CPXM2: variants seen among roughly 807,000 people sequenced by gnomAD.
CPXM2 encodes the protein inactive carboxypeptidase-like protein X2.
A neutral mutation model predicts 86.1 loss-of-function variants in CPXM2; 66 were observed. The ratio of observed to expected loss-of-function variants is 0.77; its 90% CI spans 0.63 to 0.94. CPXM2 has a LOEUF of 0.94. CPXM2 is among the 40% of genes least tolerant of loss of function. CPXM2 has a pLI of 0.00. For missense variants in CPXM2, 948 were observed against 1,026.3 expected (o/e 0.92, Z 1.04); for synonymous variants, 388 against 400.2 (o/e 0.97, Z 0.36).
intron 8 of CPXM2, among the ~76,000 whole-genome samples, chr10:123,769,864 G>A: frequency 6.6e-6 from 1 of 152,158 alleles, no homozygotes; most frequent in East Asian, 1.9e-4. Context: ...AAAGGACAAG[G>A]GCCTGGCATT....
intron 7 of CPXM2, among the ~76,000 whole-genome samples, chr10:123,773,078 T>C (rs1166494518): frequency 6.6e-6 from 1 of 152,000 alleles, no homozygotes; most frequent in Non-Finnish European, 1.5e-5. Flanking sequence ...TCCCTGATTG[T>C]GGTTATCACC....
chr10:123,934,536 C>T (rs1945697253), intron 2 of CPXM2, among the ~76,000 whole-genome samples: 1 of 152,036 alleles, frequency 6.6e-6, no homozygotes, highest in Non-Finnish European at 1.5e-5. Flanking sequence ...GCAGTTTGAC[C>T]TCATCTTGAT....
rs371888309 is a variant in CPXM2 at position 123,851,325 on chromosome 10, G to A, written c.514-8837C>T. On this transcript the variant is annotated intron_variant, in intron 3 of 13. Coordinates refer to ENST00000241305, the MANE Select transcript of CPXM2 (RefSeq NM_198148.3). ...AATCCTTCTTCATTTATTAGCCCAA[G>A]TACTCACTCCATCCTCAGGAAAGTC... is the stretch of plus-strand genomic sequence containing the variant. Among the ~76,000 whole-genome samples, 45 of 152,234 alleles carry A rather than the reference G, an allele frequency of 3.0e-4. No homozygotes were observed. The South Asian group carries it at 8.9e-3, about 30-fold the overall frequency.
intron 3 of CPXM2, among the ~76,000 whole-genome samples, chr10:123,859,474 C>T (rs1339380042): frequency 6.6e-6 from 1 of 152,172 alleles, no homozygotes; most frequent in Non-Finnish European, 1.5e-5. Flanking sequence ...GTGTGCTCCC[C>T]GTGGGGGACT....
At chr10:123,879,044 T>C (rs1184473940) in intron 2 of CPXM2, among the ~76,000 whole-genome samples, 2 of 152,174 alleles carry the variant, frequency 1.3e-5, no homozygotes, top group Admixed American at 6.5e-5. Flanking sequence ...CAATGGGCAA[T>C]GGGTGGAGTG....
rs933528173 is a variant in CPXM2 at position 123,916,267 on chromosome 10, C to T, written n.174+23210G>A. The stretch of plus-strand genomic sequence containing the variant: ...TGGGATCAGAGGCAGCTGGATGAAG[C>T]GAGAGTAGGTGGTAGGATCCATGGA... On this transcript the variant is annotated intron_variant and non_coding_transcript_variant, in intron 2 of 19. Coordinates refer to the CPXM2 transcript ENST00000368854. Among the ~76,000 whole-genome samples the T allele has an allele frequency of 7.9e-5, 12 of 152,192 alleles. No homozygotes were observed. In the South Asian group the frequency reaches 8.3e-4, roughly 11 times the overall value.
chr10:123,879,181 C>T lies in CPXM2; in HGVS notation c.403+1030G>A, dbSNP rs373968637. ...GTCATCTCTATGATTTCTTTGATGGCGAGTTCTTGGTTAGAAACACTGCCC... is the reference window on the plus strand; with the variant it reads ...GTCATCTCTATGATTTCTTTGATGGTGAGTTCTTGGTTAGAAACACTGCCC... On this transcript the variant is annotated intron_variant, in intron 2 of 13. Transcript: ENST00000241305. Among the ~76,000 whole-genome samples, 24 of 152,260 alleles carry T rather than the reference C, an allele frequency of 1.6e-4. No individual in the cohort carries two copies. In the East Asian group the frequency reaches 2.9e-3, roughly 18 times the overall value.
chr10:123,813,076 GCCA>G (rs1272913487), intron 4 of CPXM2, among the ~76,000 whole-genome samples: 1 of 152,046 alleles, frequency 6.6e-6, no homozygotes, highest in Non-Finnish European at 1.5e-5. Flanking sequence ...ACAGGAAAAC[GCCA>G]CAACTACCTT....
chr10:123,904,348 G>A (rs1164500856), intron 2 of CPXM2, among the ~76,000 whole-genome samples: 1 of 152,126 alleles, frequency 6.6e-6, no homozygotes, highest in African/African-American at 2.4e-5. Context: ...AAGAGGGTGG[G>A]CCCTGCAGGT....
chr10:123,841,000 G>C lies in CPXM2; in HGVS notation c.653+1349C>G, dbSNP rs1374768078. 2.6e-5 allele frequency among the ~76,000 whole-genome samples: 4 copies of C among 152,236 alleles called. No individual in the cohort carries two copies. The East Asian group carries it at 7.7e-4, about 29-fold the overall frequency. Reference sequence around the variant, plus strand: ...TGAAAGATGCCAAGACATGAGCTTTGAGAGTGCAGTATAGATGGGAGGGTT... The same window carrying C: ...TGAAAGATGCCAAGACATGAGCTTTCAGAGTGCAGTATAGATGGGAGGGTT... On this transcript the variant is annotated intron_variant, in intron 4 of 13. Coordinates refer to ENST00000241305, the MANE Select transcript of CPXM2 (RefSeq NM_198148.3).
At chr10:123,772,384 T>A (rs1463513705) in intron 7 of CPXM2, among the ~76,000 whole-genome samples, 1 of 151,990 alleles carries the variant, frequency 6.6e-6, no homozygotes, top group African/African-American at 2.4e-5. Context: ...CCTCCCTGGT[T>A]GTGATCATCA....
chr10:123,797,080 A>G (rs1383944875), intron 6 of CPXM2, among the ~76,000 whole-genome samples: 1 of 152,244 alleles, frequency 6.6e-6, no homozygotes, highest in African/African-American at 2.4e-5. Context: ...GACATTACCA[A>G]AGATGCAGGT....
intron 6 of CPXM2, among the ~76,000 whole-genome samples, chr10:123,783,530 T>C (rs1412597141): frequency 1.3e-5 from 2 of 152,156 alleles, no homozygotes; most frequent in Non-Finnish European, 2.9e-5. Flanking sequence ...AGGAGCACAG[T>C]CTCTTCTGCT....
At chr10:123,862,486 A>G in intron 3 of CPXM2, 128 bp downstream of exon 3, 1 of 801,568 alleles carries the variant, frequency 1.2e-6, no homozygotes, top group South Asian at 1.6e-5. Flanking sequence ...ATCATTCAGC[A>G]ATATCCTTTC....
chr10:123,775,281 C>T (rs541170689), intron 7 of CPXM2, among the ~76,000 whole-genome samples: 11 of 152,362 alleles, frequency 7.2e-5, no homozygotes, highest in Admixed American at 1.3e-4. Context: ...CCTGCTGATG[C>T]AGTCATTCTC....
intron 6 of CPXM2, among the ~76,000 whole-genome samples, chr10:123,793,509 T>C (rs1349207234): frequency 2.1e-5 from 3 of 146,248 alleles, no homozygotes; most frequent in Non-Finnish European, 4.5e-5. Flanking sequence ...TGCACCCAGG[T>C]CTGAGCTGAG....
intron 3 of CPXM2, among the ~76,000 whole-genome samples, chr10:123,862,367 G>T (rs1848868234): frequency 6.6e-6 from 1 of 152,218 alleles, no homozygotes; most frequent in Non-Finnish European, 1.5e-5. Flanking sequence ...TCAAAAGGTG[G>T]AAGAGGAACA....
At chr10:123,895,130 T>C (rs1438684220), upstream of CPXM2, among the ~76,000 whole-genome samples, 5 of 129,674 alleles carry the variant, frequency 3.9e-5, no homozygotes, top group Admixed American at 8.6e-5. Context: ...TCTTTTTTTT[T>C]TTTTTTTTTT....
In CPXM2 at chr10:123,747,018, C is replaced by T. The variant is rs770551392; in HGVS notation, c.2018-1G>A. The stretch of plus-strand genomic sequence containing the variant: ...AGGCGCCAGTAATCCCCATCGTTGG[C>T]TGTGAAAAAGAAAACCAGGGGAGAC... On this transcript the variant is annotated splice_acceptor_variant, in intron 13 of 13. Transcript: ENST00000241305. LOFTEE classifies it high-confidence loss of function. 1.2e-6 allele frequency: 2 copies of T among 1,612,754 alleles called. No homozygotes were observed. The highest frequency in any genetic ancestry group is 8.5e-7 in the Non-Finnish European group (1 of 1,179,494).
Sources: allele counts gnomAD v4.1 joint callset (sites outside exome capture counted in the v4.1 genomes callset), GRCh38; gene constraint gnomAD v4.1.1; transcripts MANE v1.5; gene names NCBI Gene and HGNC (gene_info 2026-07-23, HGNC 2026-07-21).